Variants in MMS19 observed in about 807,000 individuals in gnomAD.
The protein encoded by MMS19 is MMS19 cytosolic iron-sulfur assembly component.
Under a neutral mutation model 129.8 loss-of-function variants are expected in MMS19, and 77 were observed. That is an observed-to-expected ratio of 0.59 (90% CI 0.49 to 0.72). The LOEUF is 0.72. MMS19 is among the 30% of genes least tolerant of loss of function. The pLI is 0.00. For missense variants in MMS19, 1,168 were observed against 1,266.3 expected (o/e 0.92, Z 1.18); for synonymous variants, 491 against 502.8 (o/e 0.98, Z 0.31).
chr10:97,458,392 C>T lies in MMS19; in HGVS notation c.*300G>A. ...GCCAGCCCTGGTCCTCAGGGCCACA[C>T]TCATATGCACTCACCCCTCAGCAGC... is the stretch of plus-strand genomic sequence containing the variant. On this transcript the variant is annotated 3_prime_UTR_variant, in exon 31 of 31. Coordinates refer to ENST00000438925, the MANE Select transcript of MMS19 (RefSeq NM_022362.5). 1 of 340,398 alleles carries T rather than the reference C, an allele frequency of 2.9e-6. No individual in the cohort carries two copies. Among genetic ancestry groups the T allele is most frequent in the Non-Finnish European group, 5.3e-6 (1 of 188,452 alleles). 21.1% of individuals were successfully genotyped at this position (340,398 alleles called of 1,614,324 possible).
chr10:97,458,775 C>G, intron 30 of MMS19, 25 bp downstream of exon 30: 2 of 1,613,724 alleles, frequency 1.2e-6, no homozygotes, highest in Non-Finnish European at 1.7e-6. Context: ...TTGGTCCCAT[C>G]TCTCCCCACG....
intron 1 of MMS19, among the ~76,000 whole-genome samples, chr10:97,495,685 T>C (rs569925535): frequency 6.6e-6 from 1 of 152,398 alleles, no homozygotes; most frequent in African/African-American, 2.4e-5. Flanking sequence ...TAACAGGTCA[T>C]TCAAATTTCT....
chr10:97,493,353 G>C (rs1393870337), intron 1 of MMS19, among the ~76,000 whole-genome samples: 1 of 152,142 alleles, frequency 6.6e-6, no homozygotes, highest in Non-Finnish European at 1.5e-5. Flanking sequence ...GAGGCTAGAG[G>C]ATCGCTAGAG....
intron 8 of MMS19, among the ~76,000 whole-genome samples, chr10:97,475,316 A>G (rs1412230381): frequency 2.6e-5 from 4 of 152,338 alleles, no homozygotes; most frequent in Admixed American, 2.0e-4. Flanking sequence ...CTCTGTAAAG[A>G]TACAAACATA....
intron 20 of MMS19, among the ~76,000 whole-genome samples, chr10:97,462,369 C>T (rs778060917): frequency 5.3e-5 from 8 of 152,322 alleles, no homozygotes; most frequent in South Asian, 2.1e-4. Context: ...AGCACATCTG[C>T]GGCTAAGAAC....
Position 97,466,086 on chromosome 10 carries a change from G to T in MMS19, c.1579C>A (p.Pro527Thr). Residue 527 changes from proline (P) to threonine (T), a missense_variant, in exon 17 of 31, where the codon CCC (proline) becomes ACC (threonine). Pro to Thr is a conservative substitution (Grantham distance 38). Transcript: ENST00000438925. Reference protein sequence around the residue: ...YPVAFSSHLVPKLAEELRVGE... With the variant: ...YPVAFSSHLVTKLAEELRVGE... ...ACACGCAGCTCCTCAGCGAGCTTGG[G>T]TACGAGGTGGCTGCTGAAGGCCACA... The T allele has an allele frequency of 6.2e-7, 1 of 1,611,612 alleles. No individual in the cohort carries two copies. Among genetic ancestry groups the T allele is most frequent in the Non-Finnish European group, 8.5e-7 (1 of 1,178,676 alleles).
chr10:97,465,981 T>A (rs2236575), intron 17 of MMS19, 27 bp from the exon 18 acceptor site: 682,581 of 1,612,030 alleles, frequency 0.42, 145,455 homozygotes, highest in Admixed American at 0.47. Context: ...AGACAAAGGT[T>A]TACTGTGTGA....
intron 14 of MMS19, 128 bp from the exon 15 acceptor site, chr10:97,467,029 A>T (rs2033647250): frequency 9.9e-7 from 1 of 1,014,484 alleles, no homozygotes; most frequent in Non-Finnish European, 1.4e-6. Context: ...CCCAGGCTGG[A>T]GTGCAGTGGC....
rs764089662 is a variant in MMS19, at chr10:97,476,880, C to T, written c.577G>A (p.Ala193Thr). The T allele has an allele frequency of 2.5e-6, 4 of 1,613,978 alleles. No individual in the cohort carries two copies. The South Asian group carries it at 4.4e-5, about 18-fold the overall frequency. ...GEKDPRNLLV[A>T]FRIVHDLISR... Reference sequence around the variant, plus strand: ...ATGAGGTCATGGACGATGCGGAAGGCCACCAGAAGATTACGGGGATCCTTT... The same window carrying T: ...ATGAGGTCATGGACGATGCGGAAGGTCACCAGAAGATTACGGGGATCCTTT... Residue 193 changes from alanine to threonine, a missense_variant, in exon 7 of 31, where the codon GCC (alanine) becomes ACC (threonine). By Grantham distance (58) the Ala-to-Thr change is moderately conservative. Around this residue, in one of 3 missense-constraint regions of MMS19, gnomAD observed 329 missense variants for 328.6 expected, o/e 1.00. Coordinates refer to ENST00000438925, the MANE Select transcript of MMS19 (RefSeq NM_022362.5).
chr10:97,470,921 C>G, intron 8 of MMS19, 60 bp from the exon 9 acceptor site: 1 of 1,440,320 alleles, frequency 6.9e-7, no homozygotes, highest in Non-Finnish European at 9.7e-7. Flanking sequence ...TGAACACAGG[C>G]TCGAACCTGG....
At chr10:97,487,321 T>C (rs1010842940) in intron 1 of MMS19, among the ~76,000 whole-genome samples, 1 of 77,890 alleles carries the variant, frequency 1.3e-5, no homozygotes, top group Non-Finnish European at 2.8e-5. Context: ...AAAATTTCTT[T>C]TTTTTTTTTT....
intron 9 of MMS19, 62 bp from the exon 10 acceptor site, chr10:97,470,265 A>G: frequency 8.5e-7 from 1 of 1,177,410 alleles, no homozygotes; most frequent in Non-Finnish European, 1.2e-6. Flanking sequence ...CATCAAGGTC[A>G]ACCCTGTCCT....
Position 97,459,657 on chromosome 10 carries a change from A to C in MMS19, c.2739+2T>G. ...CTTAGAAGCTCTGCCTGTGGGACTT[A>C]CCGTGGGCAGCTCTGGCAAGAGTAC... is the stretch of plus-strand genomic sequence containing the variant. On this transcript the variant is annotated splice_donor_variant, in intron 27 of 30. Coordinates refer to ENST00000438925, the MANE Select transcript of MMS19 (RefSeq NM_022362.5). LOFTEE classifies it high-confidence loss of function. 6.2e-7 allele frequency: 1 copy of C among 1,611,126 alleles called. No individual in the cohort carries two copies. The highest frequency in any genetic ancestry group is 8.5e-7 in the Non-Finnish European group (1 of 1,178,510).
intron 19 of MMS19, among the ~76,000 whole-genome samples, chr10:97,463,362 T>C (rs561348926): frequency 5.3e-5 from 8 of 152,288 alleles, no homozygotes; most frequent in African/African-American, 1.7e-4. Flanking sequence ...GTCCCCTGTG[T>C]TGCCCAGGCT....
chr10:97,467,810 C>T lies in MMS19; in HGVS notation c.1219-227G>A, dbSNP rs187266150. Among the ~76,000 whole-genome samples the T allele has an allele frequency of 7.9e-5, 12 of 151,516 alleles. No homozygotes were observed. The South Asian group carries it at 1.9e-3, about 24-fold the overall frequency. ...TCTTGAGTAGCTGGGACTACAGATG[C>T]GTGCCACCTTATCCAGCTAATTTTT... On this transcript the variant is annotated intron_variant, in intron 13 of 30. Transcript: ENST00000438925.
chr10:97,491,219 G>A (rs1221869603), intron 1 of MMS19, among the ~76,000 whole-genome samples: 1 of 152,124 alleles, frequency 6.6e-6, no homozygotes, highest in African/African-American at 2.4e-5. Context: ...TAATAGCAAA[G>A]GATATCAATG....
Position 97,458,813 on chromosome 10 carries a change from C to G in MMS19, c.3052G>C (p.Ala1018Pro), listed in dbSNP as rs773966186. The G allele has an allele frequency of 1.2e-6, 2 of 1,614,002 alleles. No homozygotes were observed. Among genetic ancestry groups the G allele is most frequent in the Admixed American group, 1.7e-5 (1 of 60,030 alleles). Residue 1018 changes from alanine (A) to proline (P), a missense_variant, in exon 30 of 31, where the codon GCC becomes CCC. By Grantham distance (27) the Ala-to-Pro change is conservative. Transcript: ENST00000438925. Reference protein sequence around the residue: ...KRLVRKEAVSARGEWFLLGSP... With the variant: ...KRLVRKEAVSPRGEWFLLGSP... ...CTAGAAACTCACCACTCCCCTCTGG[C>G]TGACACTGCTTCCTTGCGCACCAGT... is the stretch of plus-strand genomic sequence containing the variant.
intron 1 of MMS19, among the ~76,000 whole-genome samples, chr10:97,486,983 C>T (rs931131801): frequency 2.0e-5 from 3 of 148,414 alleles, no homozygotes; most frequent in Non-Finnish European, 4.5e-5. Context: ...ATTATATGGT[C>T]ACATTTTAAA....
Position 97,498,266 on chromosome 10 carries a change from G to T in MMS19, c.112+7C>A. 6.4e-7 allele frequency: 1 copy of T among 1,552,534 alleles called. No individual in the cohort carries two copies. On this transcript the variant is annotated splice_region_variant and intron_variant, in intron 1 of 30. Coordinates refer to ENST00000438925, the MANE Select transcript of MMS19 (RefSeq NM_022362.5). ...ATGCGGAAGGCGCGCGGCGCCGTCT[G>T]CCGTACCTGCAGCCACCTGGTCAGC... is the stretch of plus-strand genomic sequence containing the variant.
Sources: allele counts gnomAD v4.1 joint callset (sites outside exome capture counted in the v4.1 genomes callset), GRCh38; gene constraint gnomAD v4.1.1; regional missense constraint gnomAD v4.1.1; transcripts MANE v1.5; gene names NCBI Gene and HGNC (gene_info 2026-07-23, HGNC 2026-07-21).